The following CAND2 variants were observed in gnomAD, a reference collection of about 807,000 sequenced individuals.
CAND2 encodes cullin-associated NEDD8-dissociated protein 2.
In CAND2, 62 loss-of-function variants were observed where a neutral mutation model predicts 98.9. The observed-to-expected ratio is 0.63, with a 90% confidence interval of 0.51 to 0.77. The LOEUF is 0.77. Among genes scored for constraint, CAND2 ranks in the 30% least tolerant of loss-of-function variants. The probability of loss-of-function intolerance (pLI) is 0.00; values close to 1 mark genes in which losing one functional copy is unlikely to be tolerated. For missense variants in CAND2, 1,501 were observed against 1,655.2 expected, an observed-to-expected ratio of 0.91 and a Z score of 1.62; for synonymous variants, 770 against 731.9, an observed-to-expected ratio of 1.05 and a Z score of -0.84.
chr3:12,812,203 C>T (rs113927000), intron 5 of CAND2, among the ~76,000 whole-genome samples: 2,268 of 134,020 alleles, frequency 0.017, 20 homozygotes, highest in African/African-American at 0.023. Flanking sequence ...GCCACCATGC[C>T]CGGCCTAAGC....
intron 2 of CAND2, among the ~76,000 whole-genome samples, chr3:12,806,566 A>G (rs2061807367): frequency 5.3e-5 from 8 of 152,022 alleles, no homozygotes; most frequent in Admixed American, 5.2e-4. Context: ...CCCTCCCCCA[A>G]CCCCCTCCAG....
chr3:12,796,895 C>T (rs1207495542), intron 1 of CAND2, 107 bp downstream of exon 1: 3 of 850,988 alleles, frequency 3.5e-6, no homozygotes, highest in Non-Finnish European at 5.9e-6. Flanking sequence ...AGCCCCCTGC[C>T]TCTTCTCTCT....
chr3:12,828,223 AT>A (rs1329847035), intron 13 of CAND2, among the ~76,000 whole-genome samples: 1 of 151,622 alleles, frequency 6.6e-6, no homozygotes, highest in Admixed American at 6.6e-5. Flanking sequence ...TTTCTATATC[AT>A]TTTTTTAAAT....
In CAND2 at chr3:12,808,253, G is replaced by A. The variant is rs1237513937; in HGVS notation, c.411G>A (p.Gln137=). The A allele has an allele frequency of 1.9e-6, 3 of 1,551,414 alleles. No homozygotes were observed. Among genetic ancestry groups the A allele is most frequent in the Non-Finnish European group, 1.7e-6 (2 of 1,146,978 alleles). Residue 137 remains glutamine (Q), a synonymous_variant, in exon 4 of 15, where the codon CAG becomes CAA. Coordinates refer to ENST00000456430, the MANE Select transcript of CAND2 (RefSeq NM_001162499.2). The part of the protein sequence containing the change: ...ATNVCRKITG[Q]LTSAIAQQED... ...ACGTGTGCCGGAAGATCACAGGCCA[G>A]CTCACCAGTGCCATTGCCCAGCAGG... is the stretch of plus-strand genomic sequence containing the variant.
intron 5 of CAND2, 42 bp from the exon 6 acceptor site, chr3:12,812,948 A>C: frequency 7.8e-7 from 1 of 1,283,702 alleles, no homozygotes; most frequent in Non-Finnish European, 1.1e-6. Flanking sequence ...GAACTCCGGG[A>C]GAGTGTCTGG....
At chr3:12,816,322 G>T in intron 9 of CAND2, 52 bp from the exon 10 acceptor site, 1 of 1,529,598 alleles carries the variant, frequency 6.5e-7, no homozygotes, top group Non-Finnish European at 8.9e-7. Flanking sequence ...TCCAGGGAGG[G>T]CCGTGTTGCA....
chr3:12,813,974 C>T lies in CAND2; in HGVS notation c.1006+586C>T, dbSNP rs542905789. ...CCTGAAGGCAGGGCATCGATGGAGA[C>T]GATGGATTTAGAGCCTGATGGGGTA... On this transcript the variant is annotated intron_variant, in intron 7 of 14. Coordinates refer to ENST00000456430, the MANE Select transcript of CAND2 (RefSeq NM_001162499.2). Among the ~76,000 whole-genome samples the T allele has an allele frequency of 1.2e-3, 185 of 152,248 alleles. 1 individual carries two copies. The highest frequency in any genetic ancestry group is 4.1e-3 in the African/African-American group (169 of 41,554).
At chr3:12,804,244 A>T (rs1279525091) in intron 2 of CAND2, among the ~76,000 whole-genome samples, 1 of 152,100 alleles carries the variant, frequency 6.6e-6, no homozygotes, top group Non-Finnish European at 1.5e-5. Context: ...ACCTGAGGTC[A>T]GGAGTTTGAG....
At chr3:12,813,465 G>A (rs141854255) in intron 7 of CAND2, 77 bp downstream of exon 7, 1 of 1,498,454 alleles carries the variant, frequency 6.7e-7, no homozygotes, top group Non-Finnish European at 9.1e-7. Flanking sequence ...ACCAAAGACA[G>A]CGGTCACATT....
intron 14 of CAND2, 58 bp from the exon 15 acceptor site, chr3:12,833,697 G>GC: frequency 7.5e-7 from 1 of 1,331,066 alleles, no homozygotes; most frequent in Non-Finnish European, 1.1e-6. Context: ...CAGTGAGGAG[G>GC]CAGTGGTGTG....
chr3:12,798,423 A>G (rs557608672), intron 1 of CAND2, among the ~76,000 whole-genome samples: 33 of 152,186 alleles, frequency 2.2e-4, no homozygotes, highest in Non-Finnish European at 4.6e-4. Context: ...CACTGGGACT[A>G]TGCACTTCCT....
intron 1 of CAND2, among the ~76,000 whole-genome samples, chr3:12,799,928 A>G (rs2061754229): frequency 6.6e-6 from 1 of 152,160 alleles, no homozygotes; most frequent in Admixed American, 6.5e-5. Flanking sequence ...GGAGCTCAAC[A>G]GATGAAGAAG....
At chr3:12,832,657 A>AAG (rs1260486288) in intron 14 of CAND2, 1 of 152,182 alleles carries the variant, frequency 6.6e-6, no homozygotes, top group Non-Finnish European at 1.5e-5. Context: ...ACTTGACTTG[A>AAG]AGTGGCATGA....
At chr3:12,809,516 G>C (rs1026006640) in intron 4 of CAND2, among the ~76,000 whole-genome samples, 1 of 152,092 alleles carries the variant, frequency 6.6e-6, no homozygotes, top group Non-Finnish European at 1.5e-5. Flanking sequence ...GAAAATGCAC[G>C]GGCCTCGTTT....
At chr3:12,830,266 G>C (rs2062042416) in intron 13 of CAND2, among the ~76,000 whole-genome samples, 1 of 152,216 alleles carries the variant, frequency 6.6e-6, no homozygotes. Context: ...GTTGAGAAAG[G>C]GGGTTGGGTT....
Position 12,803,550 on chromosome 3 carries a change from A to G in CAND2, c.131A>G (p.Asp44Gly). ...LQKDSIQLDE[D>G]SERKVVKMLL... ...AAGGACTCCATCCAGCTGGACGAGG[A>G]CAGCGAGCGCAAGGTGGTGAAGATG... Residue 44 changes from aspartate (D) to glycine (G), a missense_variant, in exon 2 of 15, where the codon GAC becomes GGC. This residue lies in a region of CAND2 where 62 missense variants were observed against 77.3 expected (regional missense o/e 0.80). Transcript: ENST00000456430. 1 of 1,613,642 alleles carries G rather than the reference A, an allele frequency of 6.2e-7. No homozygotes were observed. Among genetic ancestry groups the G allele is most frequent in the Non-Finnish European group, 8.5e-7 (1 of 1,179,788 alleles).
chr3:12,800,821 C>G lies in CAND2; in HGVS notation c.69-2667C>G, dbSNP rs559665193. 8.6e-5 allele frequency among the ~76,000 whole-genome samples: 13 copies of G among 151,796 alleles called. No individual in the cohort carries two copies. The South Asian group carries it at 2.1e-3, about 24-fold the overall frequency. ...CACTGCAACCTCTGCCTCCTGGGTT[C>G]AAGTGATTCTCCTGCCTCAGCCTCC... On this transcript the variant is annotated intron_variant, in intron 1 of 14. Coordinates refer to ENST00000456430, the MANE Select transcript of CAND2 (RefSeq NM_001162499.2).
Position 12,796,684 on chromosome 3 carries a change from T to G in CAND2, c.-37T>G, listed in dbSNP as rs1339666208. The G allele has an allele frequency of 2.6e-6, 4 of 1,551,560 alleles. No individual in the cohort carries two copies. The highest frequency in any genetic ancestry group is 1.7e-6 in the Non-Finnish European group (2 of 1,145,992). On this transcript the variant is annotated 5_prime_UTR_variant, in exon 1 of 15. The change creates a new upstream start codon in the 5' untranslated region. Transcript: ENST00000456430. ...GGAGGGGGCGCCCGCGCCGCCATATTCCCTCCCGCCGGCCGGCTCCGCGGC... is the reference window on the plus strand; with the variant it reads ...GGAGGGGGCGCCCGCGCCGCCATATGCCCTCCCGCCGGCCGGCTCCGCGGC...
chr3:12,827,982 C>CA (rs199943213), intron 13 of CAND2, among the ~76,000 whole-genome samples: 1,352 of 121,292 alleles, frequency 0.011, 16 homozygotes, highest in African/African-American at 0.03. Context: ...GACCCTGTCT[C>CA]AAAAAAAAAA....
Sources: gnomAD v4.1 joint callset for allele counts (sites outside exome capture counted in the v4.1 genomes callset) on GRCh38, gnomAD v4.1.1 for gene constraint, gnomAD v4.1.1 regional missense constraint, MANE v1.5 for transcripts, NCBI Gene and HGNC (gene_info 2026-07-23, HGNC 2026-07-21) for gene names.